Variants in VAV3 observed in about 807,000 individuals in gnomAD.
VAV3 encodes the protein vav guanine nucleotide exchange factor 3.
In VAV3, 94 loss-of-function variants were observed where a neutral mutation model predicts 131.2. The ratio of observed to expected loss-of-function variants is 0.72; its 90% confidence interval spans 0.61 to 0.85. The LOEUF (loss-of-function observed/expected upper bound fraction) is 0.85, where lower values mean the gene tolerates loss of function less well. Ranked by LOEUF, VAV3 falls within the 40% of genes least tolerant of loss-of-function variation. The pLI, the probability that VAV3 is intolerant of heterozygous loss-of-function variation, is 0.00. For synonymous variants in VAV3, 349 were observed against 342.0 expected (o/e 1.02, Z -0.22); for missense variants, 939 against 1,002.7 (o/e 0.94, Z 0.86).
chr1:107,844,616 A>C (rs1668881817), intron 2 of VAV3, among the ~76,000 whole-genome samples: 2 of 152,208 alleles, frequency 1.3e-5, no homozygotes, highest in South Asian at 4.2e-4. Flanking sequence ...TCGACCTGGG[A>C]TGCTCCAGCT....
chr1:107,787,560 T>C (rs1183136099), intron 2 of VAV3, among the ~76,000 whole-genome samples: 1 of 152,120 alleles, frequency 6.6e-6, no homozygotes, highest in African/African-American at 2.4e-5. Flanking sequence ...CAGACTCTCT[T>C]TCTTCAGGTT....
At chr1:107,686,218 A>G (rs1187745781) in intron 18 of VAV3, among the ~76,000 whole-genome samples, 1 of 152,192 alleles carries the variant, frequency 6.6e-6, no homozygotes, top group African/African-American at 2.4e-5. Flanking sequence ...GGTCCACTCC[A>G]GAATGGGATG....
At chr1:107,736,914 A>G (rs1662676887) in intron 15 of VAV3, among the ~76,000 whole-genome samples, 1 of 152,222 alleles carries the variant, frequency 6.6e-6, no homozygotes, top group Non-Finnish European at 1.5e-5. Flanking sequence ...CTAAACAAAA[A>G]GAACAAAGCT....
intron 2 of VAV3, among the ~76,000 whole-genome samples, chr1:107,864,169 A>G (rs994531300): frequency 2.6e-5 from 4 of 152,234 alleles, no homozygotes; most frequent in Non-Finnish European, 5.9e-5. Context: ...ATGTATACAT[A>G]TTACATCTAC....
intron 15 of VAV3, among the ~76,000 whole-genome samples, chr1:107,722,901 T>C (rs1661590789): frequency 6.9e-6 from 1 of 145,558 alleles, no homozygotes; most frequent in Non-Finnish European, 1.5e-5. Context: ...TAGTGACCTT[T>C]CCCACTGGAG....
At chr1:107,946,039 A>G (rs1176044366) in intron 1 of VAV3, among the ~76,000 whole-genome samples, 1 of 152,080 alleles carries the variant, frequency 6.6e-6, no homozygotes, top group Admixed American at 6.6e-5. Context: ...AGCAGGGTCC[A>G]TACTCCAAGC....
At chr1:107,747,373 A>G (rs1663416669) in intron 15 of VAV3, among the ~76,000 whole-genome samples, 1 of 152,186 alleles carries the variant, frequency 6.6e-6, no homozygotes, top group South Asian at 2.1e-4. Context: ...AAAAAAGCCT[A>G]GCATATAAGA....
chr1:107,915,469 G>A (rs577189115), intron 1 of VAV3, among the ~76,000 whole-genome samples: 2 of 152,246 alleles, frequency 1.3e-5, no homozygotes, highest in African/African-American at 4.8e-5. Flanking sequence ...AGGATTTGGA[G>A]ACCAGACAGA....
At chr1:107,640,414 C>T (rs1318035534) in intron 20 of VAV3, among the ~76,000 whole-genome samples, 1 of 152,022 alleles carries the variant, frequency 6.6e-6, no homozygotes, top group African/African-American at 2.4e-5. Context: ...AAAATACAAA[C>T]TCATCTCCAG....
intron 11 of VAV3, among the ~76,000 whole-genome samples, chr1:107,756,437 A>G (rs2102101825): frequency 1.3e-5 from 2 of 152,214 alleles, no homozygotes; most frequent in South Asian, 4.1e-4. Context: ...TGACTTTTTA[A>G]TAATAATAAT....
At chr1:107,595,389 G>A (rs950182687) in intron 25 of VAV3, among the ~76,000 whole-genome samples, 5 of 150,528 alleles carry the variant, frequency 3.3e-5, no homozygotes, top group South Asian at 2.1e-4. Context: ...TTAAACCGAC[G>A]CAAATTCTGT....
intron 8 of VAV3, 115 bp from the exon 9 acceptor site, chr1:107,765,290 C>T: frequency 2.7e-6 from 2 of 751,242 alleles, no homozygotes; most frequent in Middle Eastern, 2.3e-4. Context: ...ACCAAAATAG[C>T]AGTAGAAATT....
intron 19 of VAV3, among the ~76,000 whole-genome samples, chr1:107,653,236 AT>A (rs965068556): frequency 2.2e-4 from 33 of 147,996 alleles, no homozygotes; most frequent in South Asian, 1.7e-3. Flanking sequence ...CGATGTGCTG[AT>A]TTTTTTTTTT....
intron 2 of VAV3, among the ~76,000 whole-genome samples, chr1:107,838,728 A>G (rs1668574231): frequency 6.6e-6 from 1 of 152,292 alleles, no homozygotes; most frequent in Admixed American, 6.5e-5. Flanking sequence ...GGTAGACCAG[A>G]TAAGAAATTG....
intron 25 of VAV3, among the ~76,000 whole-genome samples, chr1:107,576,980 G>A (rs182309272): frequency 4.6e-5 from 7 of 152,026 alleles, no homozygotes; most frequent in East Asian, 1.9e-4. Flanking sequence ...GGAGAAAAGT[G>A]CAGTTAGAAA....
chr1:107,596,207 C>T lies in VAV3; in HGVS notation c.2350+5G>A. On this transcript the variant is annotated splice_donor_5th_base_variant and intron_variant, in intron 25 of 26. Transcript: ENST00000370056. ...GCAAATTGTATTCTCAATTACAATA[C>T]TTACAGCTGTTGCCTGCTCTATTAC... 1.2e-6 allele frequency: 2 copies of T among 1,610,820 alleles called. No homozygotes were observed. The highest frequency in any genetic ancestry group is 2.2e-5 in the East Asian group (1 of 44,832).
intron 24 of VAV3, among the ~76,000 whole-genome samples, chr1:107,601,955 C>A (rs1362488038): frequency 6.6e-6 from 1 of 151,780 alleles, no homozygotes; most frequent in East Asian, 1.9e-4. Context: ...CTTAAAATAG[C>A]AAAAAATACA....
intron 2 of VAV3, among the ~76,000 whole-genome samples, chr1:107,833,690 T>C (rs1264328245): frequency 2.0e-5 from 3 of 152,230 alleles, no homozygotes; most frequent in African/African-American, 7.2e-5. Context: ...AGTGTGTTTA[T>C]GACGTGTGGT....
intron 17 of VAV3, among the ~76,000 whole-genome samples, chr1:107,690,824 A>G (rs752122087): frequency 1.1e-4 from 16 of 152,090 alleles, no homozygotes; most frequent in Non-Finnish European, 2.4e-4. Flanking sequence ...TCCTGTCCTC[A>G]TGGCCACCAC....
Sources: gnomAD v4.1 joint callset for allele counts (sites outside exome capture counted in the v4.1 genomes callset) on GRCh38, gnomAD v4.1.1 for gene constraint, MANE v1.5 for transcripts, NCBI Gene and HGNC (gene_info 2026-07-23, HGNC 2026-07-21) for gene names.